LPIN1: variants seen among roughly 807,000 people sequenced by gnomAD.
LPIN1 encodes phosphatidate phosphatase LPIN1.
A neutral mutation model predicts 107.5 loss-of-function variants in LPIN1; 71 were observed. That is an observed-to-expected ratio of 0.66 (90% CI 0.55 to 0.80). The LOEUF is 0.80. LPIN1 is among the 30% of genes least tolerant of loss of function. The pLI, the probability that LPIN1 is intolerant of heterozygous loss-of-function variation, is 0.00. For missense variants in LPIN1, 1,043 were observed against 1,160.6 expected, an observed-to-expected ratio of 0.90 and a Z score of 1.47; for synonymous variants, 445 against 452.6, an observed-to-expected ratio of 0.98 and a Z score of 0.21.
intron 1 of LPIN1, among the ~76,000 whole-genome samples, chr2:11,735,504 C>G (rs536331347): frequency 6.6e-6 from 1 of 152,306 alleles, no homozygotes; most frequent in East Asian, 1.9e-4. Flanking sequence ...TCCTAAGTGT[C>G]TTGTCCCTTT....
At chr2:11,682,739 G>A (rs761984693) in intron 1 of LPIN1, 1 of 152,186 alleles carries the variant, frequency 6.6e-6, no homozygotes, top group African/African-American at 2.4e-5. Flanking sequence ...GGCAGCGAGG[G>A]TGTCACCATC....
intron 1 of LPIN1, among the ~76,000 whole-genome samples, chr2:11,734,878 CA>C (rs987250314): frequency 2.0e-5 from 3 of 151,920 alleles, no homozygotes; most frequent in African/African-American, 7.3e-5. Flanking sequence ...AGAGAGAATG[CA>C]AAAAAATTTT....
intron 6 of LPIN1, among the ~76,000 whole-genome samples, chr2:11,776,467 CTG>C (rs940747589): frequency 4.0e-5 from 6 of 148,658 alleles, no homozygotes; most frequent in African/African-American, 9.9e-5. Flanking sequence ...ATTTGACTCT[CTG>C]GAAATTATGG....
intron 2 of LPIN1, among the ~76,000 whole-genome samples, chr2:11,719,054 C>T (rs1208832582): frequency 1.3e-5 from 2 of 152,110 alleles, no homozygotes; most frequent in Non-Finnish European, 2.9e-5. Context: ...ACTTTTCAAA[C>T]TTCTTTTTTT....
chr2:11,802,927 C>T lies in LPIN1; in HGVS notation c.1907C>T (p.Ser636Phe). The T allele has an allele frequency of 1.2e-6, 2 of 1,613,450 alleles. No homozygotes were observed. Among genetic ancestry groups the T allele is most frequent in the Non-Finnish European group, 1.7e-6 (2 of 1,180,034 alleles). Reference sequence around the variant, plus strand: ...TCCAGGGTAAAGCATGAATCATCCTCCAGTGATGAGGAGCGCGCAGCTGCC... The same window carrying T: ...TCCAGGGTAAAGCATGAATCATCCTTCAGTGATGAGGAGCGCGCAGCTGCC... ...LATRVKHESSSSDEERAAAKP... is the reference protein window; with the variant it reads ...LATRVKHESSFSDEERAAAKP... The change falls in exon 15 of 21, where the codon TCC becomes TTC. Residue 636 changes from serine (S) to phenylalanine (F), a missense_variant. Ser to Phe is a radical substitution (Grantham distance 155, BLOSUM62 -2). Transcript: ENST00000674199.
At chr2:11,700,964 TC>T (rs1662841451) in intron 1 of LPIN1, among the ~76,000 whole-genome samples, 1 of 152,196 alleles carries the variant, frequency 6.6e-6, no homozygotes, top group African/African-American at 2.4e-5. Flanking sequence ...CCCTCAGTTC[TC>T]AGCTCTTCTC....
At chr2:11,824,552 T>C (rs891589533) in intron 20 of LPIN1, 80 bp from the exon 21 acceptor site, 15 of 1,432,048 alleles carry the variant, frequency 1.0e-5, no homozygotes, top group Non-Finnish European at 1.2e-5. Context: ...AGGTTGTAGA[T>C]CTCTCTTGAC....
chr2:11,710,652 A>G (rs569747790), intron 1 of LPIN1, among the ~76,000 whole-genome samples: 158 of 152,218 alleles, frequency 1.0e-3, no homozygotes, highest in African/African-American at 3.8e-3. Flanking sequence ...CAGTTCTATG[A>G]GGTAAGTATT....
Position 11,707,617 on chromosome 2 carries a change from G to A in LPIN1, c.82-6139G>A, listed in dbSNP as rs768491648. ...ATTGCTGGAGCTGCGGGAGAGAGCA[G>A]CGTGGCTGGGACTGGGTGGTGGTGC... On this transcript the variant is annotated intron_variant, in intron 1 of 21. Transcript: ENST00000449576. The surrounding 1 kb of genome is among the most constrained non-coding windows in gnomAD (Gnocchi z 4.2). Among the ~76,000 whole-genome samples, 14 of 152,238 alleles carry A rather than the reference G, an allele frequency of 9.2e-5. No individual in the cohort carries two copies. The highest frequency in any genetic ancestry group is 1.9e-4 in the Non-Finnish European group (13 of 68,046).
chr2:11,806,678 A>C lies in LPIN1; in HGVS notation c.2249+1522A>C, dbSNP rs78994687. The stretch of plus-strand genomic sequence containing the variant: ...AGATTTCATCTTTAAAAAATTATTA[A>C]TACAAAAGTTATGCATACTTCTTAA... On this transcript the variant is annotated intron_variant, in intron 17 of 20. Coordinates refer to ENST00000674199, the MANE Select transcript of LPIN1 (RefSeq NM_001349206.2). Among the ~76,000 whole-genome samples, 566 of 152,334 alleles carry C rather than the reference A, an allele frequency of 3.7e-3. 4 individuals carry two copies. Among genetic ancestry groups the C allele is most frequent in the African/African-American group, 0.012 (515 of 41,586 alleles).
rs1441397210 is a variant in LPIN1 at position 11,765,299 on chromosome 2, G to A, written c.-9-234G>A. Among the ~76,000 whole-genome samples the A allele has an allele frequency of 6.6e-6, 1 of 151,898 alleles. No individual in the cohort carries two copies. The highest frequency in any genetic ancestry group is 2.4e-5 in the African/African-American group (1 of 41,302). ...GATGGACCCTGATGGGCTGTGATGG[G>A]CCGTGATGGACCCTGATGGGCCATG... On this transcript the variant is annotated intron_variant, in intron 1 of 20. Coordinates refer to ENST00000674199, the MANE Select transcript of LPIN1 (RefSeq NM_001349206.2). This position sits in a 1 kb window ranked among gnomAD's most constrained non-coding sequence, Gnocchi z 4.4.
At chr2:11,757,947 C>A (rs1337726095) in intron 1 of LPIN1, among the ~76,000 whole-genome samples, 1 of 152,204 alleles carries the variant, frequency 6.6e-6, no homozygotes, top group Non-Finnish European at 1.5e-5. Flanking sequence ...TTCTCCCTAG[C>A]CCCTGGTAAT....
At chr2:11,748,949 G>A (rs1667384261) in intron 1 of LPIN1, among the ~76,000 whole-genome samples, 1 of 152,178 alleles carries the variant, frequency 6.6e-6, no homozygotes, top group East Asian at 1.9e-4. Flanking sequence ...CTCACTGGTA[G>A]CCCGGGCGTG....
chr2:11,804,367 C>CA, intron 15 of LPIN1, 56 bp from the exon 16 acceptor site: 1 of 1,601,402 alleles, frequency 6.2e-7, no homozygotes, highest in South Asian at 1.1e-5. Flanking sequence ...GCCAAATGCC[C>CA]ATCAATCAGG....
At chr2:11,804,307 A>G (rs1007530653) in intron 15 of LPIN1, 116 bp from the exon 16 acceptor site, 5 of 1,078,382 alleles carry the variant, frequency 4.6e-6, no homozygotes, top group African/African-American at 1.6e-5. Context: ...ACAAGGGCCC[A>G]GGGCAGTCAC....
intron 1 of LPIN1, among the ~76,000 whole-genome samples, chr2:11,762,333 C>T (rs1190998286): frequency 1.3e-5 from 2 of 149,526 alleles, no homozygotes; most frequent in African/African-American, 2.5e-5. Context: ...CCCTTTCTTT[C>T]GGGTTCTATG....
chr2:11,814,511 C>CGTGTGTGTGTGTGTGTGTGT (rs1558297645), intron 17 of LPIN1, among the ~76,000 whole-genome samples: 1 of 94,864 alleles, frequency 1.1e-5, no homozygotes, highest in African/African-American at 4.6e-5. Flanking sequence ...GGTGTGTGTG[C>CGTGTGTGTGTGTGTGTGTGT]ATGTGTGTGT....
intron 1 of LPIN1, among the ~76,000 whole-genome samples, chr2:11,736,850 GCT>G (rs1665839435): frequency 6.6e-6 from 1 of 152,166 alleles, no homozygotes; most frequent in African/African-American, 2.4e-5. Context: ...GCTGGTGTCT[GCT>G]CTGATTGGCT....
rs1180067831 is a variant in LPIN1, at chr2:11,804,542, C to A, written c.2133C>A (p.Ile711=). 9 of 1,614,082 alleles carry A rather than the reference C, an allele frequency of 5.6e-6. No homozygotes were observed. The South Asian group carries it at 8.8e-5, about 16-fold the overall frequency. Residue 711 remains isoleucine, a synonymous_variant, in exon 16 of 21, where the codon ATC becomes ATA. Coordinates refer to ENST00000674199, the MANE Select transcript of LPIN1 (RefSeq NM_001349206.2). ...TGTGGAACTGGGATGATAAAGTCAT[C>A]ATTTCTGATATTGATGGGACAATTA... The part of the protein sequence containing the change: ...IYLWNWDDKV[I]ISDIDGTITR...
Sources: allele counts gnomAD v4.1 joint callset (sites outside exome capture counted in the v4.1 genomes callset), GRCh38; gene constraint gnomAD v4.1.1; non-coding constraint Gnocchi (gnomAD v3.1); transcripts MANE v1.5; gene names NCBI Gene and HGNC (gene_info 2026-07-23, HGNC 2026-07-21).